SLAIN2: variants seen among roughly 807,000 people sequenced by gnomAD.
SLAIN2 encodes the protein SLAIN motif-containing protein 2.
Under a neutral mutation model 56.6 loss-of-function variants are expected in SLAIN2, and 31 were observed. That is an observed-to-expected ratio of 0.55 (90% CI 0.41 to 0.74). SLAIN2 has a LOEUF of 0.74. Ranked by LOEUF, SLAIN2 falls within the 30% of genes least tolerant of loss-of-function variation. SLAIN2 has a pLI of 0.00. For missense variants in SLAIN2, 777 were observed against 754.2 expected (o/e 1.03, Z -0.35); for synonymous variants, 317 against 284.9 (o/e 1.11, Z -1.13).
chr4:48,404,301 G>A (rs1257945777), intron 6 of SLAIN2, among the ~76,000 whole-genome samples: 2 of 152,078 alleles, frequency 1.3e-5, no homozygotes, highest in East Asian at 1.9e-4. Context: ...CTTGAAAATG[G>A]AGAATGAAAG....
At chr4:48,395,493 A>G (rs1311533462) in intron 6 of SLAIN2, among the ~76,000 whole-genome samples, 3 of 152,102 alleles carry the variant, frequency 2.0e-5, no homozygotes, top group Non-Finnish European at 1.5e-5. Flanking sequence ...CAAAAGTGCT[A>G]TAATAGAAGT....
At chr4:48,391,423 T>C (rs1446740752) in intron 6 of SLAIN2, among the ~76,000 whole-genome samples, 6 of 152,236 alleles carry the variant, frequency 3.9e-5, no homozygotes, top group African/African-American at 1.4e-4. Context: ...ATGTGTGTTA[T>C]TAAAACTCAA....
chr4:48,382,741 C>T lies in SLAIN2; in HGVS notation c.1036C>T (p.Pro346Ser). ...YPAVNRFSPS[P>S]RNSPRPSPKQ... ...TGCTGTTAACAGGTTTTCACCATCA[C>T]CACGCAATTCACCTCGACCGTCACC... is the stretch of plus-strand genomic sequence containing the variant. Residue 346 changes from proline to serine, a missense_variant, in exon 5 of 8, where the codon CCA becomes TCA. Transcript: ENST00000264313. 6.2e-7 allele frequency: 1 copy of T among 1,613,750 alleles called. No individual in the cohort carries two copies. The highest frequency in any genetic ancestry group is 8.5e-7 in the Non-Finnish European group (1 of 1,179,876).
At chr4:48,369,227 CCTTAT>C (rs1175471458) in intron 1 of SLAIN2, among the ~76,000 whole-genome samples, 6 of 152,148 alleles carry the variant, frequency 3.9e-5, no homozygotes, top group African/African-American at 1.2e-4. Context: ...GTACACACTT[CCTTAT>C]CTTCTGCTCA....
At chr4:48,417,853 A>C (rs1244225884) in intron 6 of SLAIN2, among the ~76,000 whole-genome samples, 2 of 152,096 alleles carry the variant, frequency 1.3e-5, no homozygotes, top group Non-Finnish European at 2.9e-5. Flanking sequence ...ATGTATTTCA[A>C]AATAATAAGA....
chr4:48,404,512 A>G (rs1716643011), intron 6 of SLAIN2, among the ~76,000 whole-genome samples: 1 of 152,212 alleles, frequency 6.6e-6, no homozygotes, highest in Admixed American at 6.5e-5. Flanking sequence ...ACTTCTTAGA[A>G]ACAATTAAAA....
At chr4:48,357,801 C>T (rs1240929729) in intron 1 of SLAIN2, among the ~76,000 whole-genome samples, 1 of 152,084 alleles carries the variant, frequency 6.6e-6, no homozygotes, top group African/African-American at 2.4e-5. Flanking sequence ...GTGTTCCGCC[C>T]GACTTGGCCT....
chr4:48,347,905 G>A (rs1300249147), intron 1 of SLAIN2, among the ~76,000 whole-genome samples: 2 of 152,294 alleles, frequency 1.3e-5, no homozygotes, highest in Middle Eastern at 3.4e-3. Context: ...TTAGCATTAT[G>A]TTTTCACAGT....
In SLAIN2 at chr4:48,397,662, C is replaced by T. The variant is rs531872679; in HGVS notation, c.1360+13878C>T. Among the ~76,000 whole-genome samples, 7 of 152,214 alleles carry T rather than the reference C, an allele frequency of 4.6e-5. No individual in the cohort carries two copies. In the East Asian group the frequency reaches 1.4e-3, roughly 29 times the overall value. ...TATTCTTCCTGATGCTGTCCCTTCC[C>T]CCGCCGCCCCTGACAGCCGCCAGTG... On this transcript the variant is annotated intron_variant, in intron 6 of 7. Coordinates refer to ENST00000264313, the MANE Select transcript of SLAIN2 (RefSeq NM_020846.2).
chr4:48,359,453 AC>A (rs1438255969), intron 1 of SLAIN2, among the ~76,000 whole-genome samples: 4 of 152,244 alleles, frequency 2.6e-5, no homozygotes, highest in African/African-American at 7.2e-5. Context: ...TCAGCTGGCT[AC>A]AATATGAAAA....
rs1714702604 is a variant in SLAIN2, at chr4:48,341,680, C to T, written c.-60C>T. On this transcript the variant is annotated 5_prime_UTR_variant, in exon 1 of 8. Coordinates refer to ENST00000264313, the MANE Select transcript of SLAIN2 (RefSeq NM_020846.2). ...GCGGCGACGCCTCTTTCCTCCGTCT[C>T]TTTCCCTGTCGCTGCGAGAGCGAGC... The T allele has an allele frequency of 5.3e-6, 8 of 1,507,852 alleles. No homozygotes were observed. In the South Asian group the frequency reaches 7.6e-5, roughly 14 times the overall value. The allele number at this position is 1,507,852 out of a possible 1,614,324, so 93.4% of individuals were successfully genotyped here.
intron 6 of SLAIN2, among the ~76,000 whole-genome samples, chr4:48,387,924 T>A (rs915356426): frequency 3.3e-5 from 5 of 152,184 alleles, no homozygotes; most frequent in Non-Finnish European, 7.4e-5. Flanking sequence ...TTGTATTTTT[T>A]GTGTAAACTT....
At chr4:48,383,523 G>T in intron 5 of SLAIN2, 124 bp from the exon 6 acceptor site, 416 of 791,404 alleles carry the variant, frequency 5.3e-4, no homozygotes, top group Middle Eastern at 7.8e-4. Context: ...CAAGTCCTTT[G>T]TATTTTCTCA....
intron 6 of SLAIN2, among the ~76,000 whole-genome samples, chr4:48,404,643 C>T (rs1036760262): frequency 5.9e-5 from 9 of 152,228 alleles, no homozygotes; most frequent in Admixed American, 5.9e-4. Context: ...TAGACCATTT[C>T]ATGCCAGTTT....
intron 6 of SLAIN2, chr4:48,394,586 G>C: frequency 1.3e-6 from 2 of 1,535,812 alleles, no homozygotes; most frequent in Non-Finnish European, 1.7e-6. Flanking sequence ...CTTCGCAAAG[G>C]CTGAAAAATT....
At chr4:48,348,547 G>A (rs1271536112) in intron 1 of SLAIN2, among the ~76,000 whole-genome samples, 2 of 152,042 alleles carry the variant, frequency 1.3e-5, no homozygotes, top group African/African-American at 4.8e-5. Context: ...AATATTAGCT[G>A]GGCATGGTGG....
chr4:48,361,807 G>T (rs569891772), intron 1 of SLAIN2, among the ~76,000 whole-genome samples: 1 of 133,336 alleles, frequency 7.5e-6, no homozygotes, highest in Non-Finnish European at 1.7e-5. Flanking sequence ...CTATAAACAT[G>T]GTGTATTTTT....
intron 2 of SLAIN2, among the ~76,000 whole-genome samples, chr4:48,376,681 G>C (rs537561866): frequency 1.4e-5 from 2 of 139,220 alleles, no homozygotes; most frequent in Non-Finnish European, 3.0e-5. Context: ...GAGTGCAGTG[G>C]CTCGATATCG....
intron 2 of SLAIN2, 130 bp downstream of exon 2, chr4:48,370,127 A>G (rs1186542235): frequency 2.0e-5 from 18 of 886,462 alleles, no homozygotes; most frequent in Non-Finnish European, 2.8e-5. Flanking sequence ...TCATATCATC[A>G]TGAGAGTTTT....
Sources: allele counts gnomAD v4.1 joint callset (sites outside exome capture counted in the v4.1 genomes callset), GRCh38; gene constraint gnomAD v4.1.1; transcripts MANE v1.5; gene names NCBI Gene and HGNC (gene_info 2026-07-23, HGNC 2026-07-21).